The following NAT10 variants were observed in gnomAD, a reference collection of about 807,000 sequenced individuals.
NAT10 encodes N-acetyltransferase 10.
NAT10 carries 109 observed loss-of-function variants against 132.2 expected under a neutral mutation model. The observed-to-expected ratio is 0.82, with a 90% CI of 0.71 to 0.97. The LOEUF is 0.97. Ranked by LOEUF, NAT10 falls within the 50% of genes least tolerant of loss-of-function variation. The pLI is 0.00. For missense variants in NAT10, 1,184 were observed against 1,263.4 expected, an observed-to-expected ratio of 0.94 and a Z score of 0.95; for synonymous variants, 479 against 478.0, an observed-to-expected ratio of 1.00 and a Z score of -0.03.
chr11:34,126,508 A>G (rs1851996773), intron 11 of NAT10, among the ~76,000 whole-genome samples: 1 of 152,182 alleles, frequency 6.6e-6, no homozygotes, highest in Non-Finnish European at 1.5e-5. Flanking sequence ...CTCAAAGTGG[A>G]GTTGTTGGGT....
chr11:34,109,146 ACT>A (rs983666440), intron 3 of NAT10, among the ~76,000 whole-genome samples: 28 of 149,084 alleles, frequency 1.9e-4, no homozygotes, highest in African/African-American at 6.2e-4. Context: ...TCCACTTTTC[ACT>A]CTCTCTCTTT....
At chr11:34,129,497 G>A (rs1852062792) in intron 12 of NAT10, among the ~76,000 whole-genome samples, 1 of 149,844 alleles carries the variant, frequency 6.7e-6, no homozygotes, top group Admixed American at 6.7e-5. Flanking sequence ...TTAATGATTT[G>A]TAAGGGTTCT....
chr11:34,108,759 CAT>C lies in NAT10; in HGVS notation c.127_128del (p.Met43ValfsTer17), dbSNP rs1217462560. 3 of 1,612,972 alleles carry C rather than the reference CAT, an allele frequency of 1.9e-6. No homozygotes were observed. The highest frequency in any genetic ancestry group is 1.7e-6 in the Non-Finnish European group (2 of 1,179,752). ...TTTGGCAGGTGGTAATACTTCATCA[CAT>C]GTTATCCAAAGCAACTGTGAAGGCT... ...GKDQVVILHH[M>X]LSKATVKARP... On this transcript the variant is annotated frameshift_variant, in exon 3 of 29. Coordinates refer to ENST00000257829, the MANE Select transcript of NAT10 (RefSeq NM_024662.3). LOFTEE classifies it high-confidence loss of function.
chr11:34,127,568 T>C lies in NAT10; in HGVS notation c.1213T>C (p.Tyr405His), dbSNP rs1264559242. ...LPLVKSLLGP[Y>H]LVFMASTING... is the part of the protein sequence containing the mutation. ...CTTGGTGAAGAGCCTACTTGGCCCC[T>C]ACCTTGTTTTCATGGCATCCACCAT... Residue 405 changes from tyrosine (Y) to histidine (H), a missense_variant, in exon 12 of 29, where the codon TAC (tyrosine) becomes CAC (histidine). Coordinates refer to ENST00000257829, the MANE Select transcript of NAT10 (RefSeq NM_024662.3). 1.9e-6 allele frequency: 3 copies of C among 1,613,540 alleles called. No individual in the cohort carries two copies. Among genetic ancestry groups the C allele is most frequent in the Non-Finnish European group, 2.5e-6 (3 of 1,179,442 alleles).
intron 8 of NAT10, among the ~76,000 whole-genome samples, chr11:34,118,760 TA>T (rs1851831693): frequency 6.6e-6 from 1 of 152,098 alleles, no homozygotes; most frequent in Admixed American, 6.5e-5. Flanking sequence ...TATTATTTTT[TA>T]AAAGACGGAG....
Position 34,118,205 on chromosome 11 carries a change from A to G in NAT10, c.583A>G (p.Lys195Glu). Residue 195 changes from lysine to glutamate, a missense_variant, in exon 7 of 29, where the codon AAG becomes GAG. Lys to Glu is a moderately conservative substitution (Grantham distance 56). Transcript: ENST00000257829. ...GTTTATTCTGTCTCTGGCCTCTTGT[A>G]AGAAGTGTCTCGTCATTGATGACCA... ...ERFILSLASC[K>E]KCLVIDDQLN... The G allele has an allele frequency of 6.2e-7, 1 of 1,614,144 alleles. No homozygotes were observed. Among genetic ancestry groups the G allele is most frequent in the Non-Finnish European group, 8.5e-7 (1 of 1,180,002 alleles).
Position 34,146,420 on chromosome 11 carries a change from AT to A in NAT10, c.*230del. ...ATGGCTGGGCACTGCCATCTCTAGA[AT>A]TGCCACGAGTCTCTCTCTTCCTGCC... On this transcript the variant is annotated 3_prime_UTR_variant, in exon 29 of 29. Transcript: ENST00000257829. 2.3e-6 allele frequency: 1 copy of A among 428,908 alleles called. No individual in the cohort carries two copies. Among genetic ancestry groups the A allele is most frequent in the South Asian group, 3.3e-5 (1 of 30,752 alleles). The allele number at this position is 428,908 out of a possible 1,614,324, so 26.6% of individuals were successfully genotyped here. A position where few individuals can be genotyped will look rare whatever the true frequency, so the allele number is the denominator to read the frequency against.
chr11:34,113,940 T>G (rs1392297306), intron 5 of NAT10, 102 bp downstream of exon 5: 20 of 1,398,808 alleles, frequency 1.4e-5, no homozygotes, highest in Non-Finnish European at 1.6e-5. Context: ...CTCCAGTGAG[T>G]AGTCAGCACA....
chr11:34,125,918 T>C, intron 11 of NAT10, among the ~76,000 whole-genome samples: 1 of 151,308 alleles, frequency 6.6e-6, no homozygotes, highest in Non-Finnish European at 1.5e-5. Context: ...GAGGCAGAGG[T>C]TGCAATGAGC....
At chr11:34,107,547 C>T (rs369800666) in intron 1 of NAT10, among the ~76,000 whole-genome samples, 5 of 152,214 alleles carry the variant, frequency 3.3e-5, no homozygotes, top group Admixed American at 2.0e-4. Context: ...TTATTTTTCC[C>T]TCTGTTATGT....
intron 26 of NAT10, 87 bp downstream of exon 26, chr11:34,141,904 T>G: frequency 1.8e-6 from 2 of 1,102,688 alleles, no homozygotes; most frequent in East Asian, 2.4e-5. Flanking sequence ...CCCTTCCCCT[T>G]TAGAAAGAGT....
intron 12 of NAT10, among the ~76,000 whole-genome samples, chr11:34,128,183 A>G (rs1852034590): frequency 6.6e-6 from 1 of 151,892 alleles, no homozygotes; most frequent in South Asian, 2.1e-4. Context: ...GTAAAACCCC[A>G]TCTTTACTAA....
Position 34,132,110 on chromosome 11 carries a change from T to C in NAT10, c.1521-15T>C. ...GGCTATTTGTTTTGTTTTGGTTTCT[T>C]AACTCCAGACCCAGGTACTATGTTA... On this transcript the variant is annotated splice_polypyrimidine_tract_variant and intron_variant, in intron 14 of 28. Transcript: ENST00000257829. 1 of 1,600,734 alleles carries C rather than the reference T, an allele frequency of 6.2e-7. No individual in the cohort carries two copies. Among genetic ancestry groups the C allele is most frequent in the South Asian group, 1.1e-5 (1 of 90,800 alleles).
chr11:34,127,837 G>C (rs1852024717), intron 12 of NAT10, among the ~76,000 whole-genome samples: 1 of 152,200 alleles, frequency 6.6e-6, no homozygotes, highest in Non-Finnish European at 1.5e-5. Flanking sequence ...ATTTTAGTCT[G>C]ATGTGCTGAG....
chr11:34,140,791 C>T (rs1408456646), intron 24 of NAT10, among the ~76,000 whole-genome samples: 1 of 152,086 alleles, frequency 6.6e-6, no homozygotes, highest in East Asian at 1.9e-4. Flanking sequence ...CAGCTTCCAC[C>T]CCACTACGTT....
intron 1 of NAT10, 142 bp downstream of exon 1, chr11:34,105,934 T>A (rs902269200): frequency 6.6e-6 from 1 of 152,314 alleles, no homozygotes; most frequent in Non-Finnish European, 1.5e-5. Flanking sequence ...CACCCCTCTT[T>A]TGGGGCGCTC....
chr11:34,122,042 G>A (rs981402548), intron 8 of NAT10, among the ~76,000 whole-genome samples: 3 of 151,894 alleles, frequency 2.0e-5, no homozygotes, highest in Non-Finnish European at 4.4e-5. Flanking sequence ...TGGGCGTGGT[G>A]GCAAGCGCCT....
At chr11:34,112,359 G>T in intron 4 of NAT10, 136 bp downstream of exon 4, 15 of 1,061,570 alleles carry the variant, frequency 1.4e-5, no homozygotes, top group Non-Finnish European at 2.0e-5. Context: ...ATTATTAGTG[G>T]AAGTCCTGGC....
intron 13 of NAT10, 150 bp from the exon 14 acceptor site, chr11:34,131,231 A>G: frequency 8.3e-7 from 1 of 1,198,242 alleles, no homozygotes. Context: ...TATCCACCAA[A>G]AACAATTTTA....
Sources: allele counts gnomAD v4.1 joint callset (sites outside exome capture counted in the v4.1 genomes callset), GRCh38; gene constraint gnomAD v4.1.1; transcripts MANE v1.5; gene names NCBI Gene and HGNC (gene_info 2026-07-23, HGNC 2026-07-21).